The following ADAMTS6 variants were observed in gnomAD, a reference collection of about 807,000 sequenced individuals.
The protein encoded by ADAMTS6 is ADAM metallopeptidase with thrombospondin type 1 motif 6, also known as A disintegrin and metalloproteinase with thrombospondin motifs 6.
Under a neutral mutation model 144.3 loss-of-function variants are expected in ADAMTS6, and 23 were observed. That is an observed-to-expected ratio of 0.16 (90% CI 0.11 to 0.23). The LOEUF is 0.23. Among genes scored for constraint, ADAMTS6 ranks in the 10% least tolerant of loss-of-function variants. ADAMTS6 has a pLI of 1.00. For missense variants in ADAMTS6, 999 were observed against 1,379.6 expected (o/e 0.72, Z 4.37); for synonymous variants, 444 against 457.5 (o/e 0.97, Z 0.38).
chr5:65,186,649 G>A (rs374140115), intron 22 of ADAMTS6, among the ~76,000 whole-genome samples: 2 of 152,150 alleles, frequency 1.3e-5, no homozygotes, highest in African/African-American at 4.8e-5. Flanking sequence ...AATCAATTAG[G>A]AGTTAATGTA....
At chr5:65,178,014 G>T (rs981394023) in intron 22 of ADAMTS6, among the ~76,000 whole-genome samples, 1 of 152,172 alleles carries the variant, frequency 6.6e-6, no homozygotes, top group African/African-American at 2.4e-5. Context: ...TTCACTTCGT[G>T]TCTCTCACGA....
In ADAMTS6 at chr5:65,398,773, A is replaced by C. The variant is rs1561501127; in HGVS notation, c.1073+52702T>G. On this transcript the variant is annotated intron_variant, in intron 7 of 24. Transcript: ENST00000381055. ...AGAGAGAAAGAGAGAGAGAGAAAGA[A>C]GAGAGAGCAAGAAAGAAAGAAAGAA... Among the ~76,000 whole-genome samples, 16 of 131,548 alleles carry C rather than the reference A, an allele frequency of 1.2e-4. 1 individual carries two copies. The highest frequency in any genetic ancestry group is 3.8e-4 in the African/African-American group (13 of 34,450). The allele number at this position is 131,548 out of a possible 152,430, so 86.3% of individuals were successfully genotyped here.
At chr5:65,403,909 A>G (rs916142380) in intron 7 of ADAMTS6, among the ~76,000 whole-genome samples, 1 of 152,096 alleles carries the variant, frequency 6.6e-6, no homozygotes, top group South Asian at 2.1e-4. Context: ...TTGTATGTTC[A>G]CTCCTATATT....
intron 7 of ADAMTS6, among the ~76,000 whole-genome samples, chr5:65,394,871 T>C (rs1580590281): frequency 6.6e-6 from 1 of 152,156 alleles, no homozygotes; most frequent in Non-Finnish European, 1.5e-5. Flanking sequence ...ATATTATATA[T>C]AGTAAGTTTA....
chr5:65,157,887 A>C (rs974678329), intron 24 of ADAMTS6, among the ~76,000 whole-genome samples: 1 of 152,204 alleles, frequency 6.6e-6, no homozygotes, highest in Non-Finnish European at 1.5e-5. Flanking sequence ...AGAACAGTAC[A>C]CCAGCTTATT....
chr5:65,209,291 G>A (rs1756329922), intron 20 of ADAMTS6, among the ~76,000 whole-genome samples: 1 of 152,150 alleles, frequency 6.6e-6, no homozygotes, highest in Non-Finnish European at 1.5e-5. Flanking sequence ...ATAAATTCGG[G>A]AGTCAGTAAA....
chr5:65,473,466 C>A, intron 2 of ADAMTS6, 111 bp downstream of exon 2: 1 of 871,630 alleles, frequency 1.1e-6, no homozygotes, highest in Non-Finnish European at 1.9e-6. Flanking sequence ...GCCTCTATTC[C>A]TATCACTACA....
chr5:65,432,497 C>T (rs1757070471), intron 7 of ADAMTS6, among the ~76,000 whole-genome samples: 1 of 152,042 alleles, frequency 6.6e-6, no homozygotes, highest in African/African-American at 2.4e-5. Context: ...CCATTTTTCA[C>T]TGCTTTGCAT....
intron 14 of ADAMTS6, among the ~76,000 whole-genome samples, chr5:65,242,843 A>G (rs1479867261): frequency 6.6e-6 from 1 of 152,150 alleles, no homozygotes; most frequent in Non-Finnish European, 1.5e-5. Flanking sequence ...GGCCCAAAAC[A>G]TGTACATTTG....
At chr5:65,436,815 G>A (rs1399884292) in intron 7 of ADAMTS6, among the ~76,000 whole-genome samples, 1 of 151,090 alleles carries the variant, frequency 6.6e-6, no homozygotes, top group African/African-American at 2.4e-5. Context: ...CCAACACAGT[G>A]CCACTGCACT....
At chr5:65,480,288 T>C (rs1239742228) in intron 1 of ADAMTS6, among the ~76,000 whole-genome samples, 4 of 152,106 alleles carry the variant, frequency 2.6e-5, no homozygotes, top group Non-Finnish European at 2.9e-5. Context: ...TTTCCCTTTT[T>C]CTCTCTGCTC....
At chr5:65,404,594 C>T (rs1005550214) in intron 7 of ADAMTS6, among the ~76,000 whole-genome samples, 15 of 152,208 alleles carry the variant, frequency 9.9e-5, no homozygotes, top group African/African-American at 3.4e-4. Flanking sequence ...TGAATAATGC[C>T]ACAATAAACA....
intron 7 of ADAMTS6, among the ~76,000 whole-genome samples, chr5:65,376,131 G>A (rs1360966736): frequency 1.3e-5 from 2 of 152,024 alleles, no homozygotes; most frequent in East Asian, 3.9e-4. Flanking sequence ...GCAGGGGGGA[G>A]GGATAGCATT....
At chr5:65,359,297 A>G (rs1464731359) in intron 7 of ADAMTS6, among the ~76,000 whole-genome samples, 1 of 152,170 alleles carries the variant, frequency 6.6e-6, no homozygotes, top group African/African-American at 2.4e-5. Context: ...GCCAACAAAC[A>G]TAGGAAGGAA....
chr5:65,330,665 CTAATA>C (rs1484201058), intron 8 of ADAMTS6, among the ~76,000 whole-genome samples: 2 of 152,188 alleles, frequency 1.3e-5, no homozygotes, highest in Admixed American at 1.3e-4. Context: ...TCTGTATTTT[CTAATA>C]TGAGTATCAA....
At chr5:65,279,135 G>C (rs1374408149) in intron 11 of ADAMTS6, among the ~76,000 whole-genome samples, 1 of 151,980 alleles carries the variant, frequency 6.6e-6, no homozygotes, top group African/African-American at 2.4e-5. Context: ...GGTAGACACA[G>C]AGTTTCACCA....
At chr5:65,300,634 CTTTCTTTTTT>C (rs1204355585) in intron 9 of ADAMTS6, among the ~76,000 whole-genome samples, 1 of 150,836 alleles carries the variant, frequency 6.6e-6, no homozygotes, top group African/African-American at 2.5e-5. Context: ...TTTTCTTTTT[CTTTCTTTTTT>C]TTTTTGAGAC....
chr5:65,168,195 A>G (rs1364484203), intron 24 of ADAMTS6, among the ~76,000 whole-genome samples: 1 of 145,762 alleles, frequency 6.9e-6, no homozygotes, highest in Non-Finnish European at 1.5e-5. Context: ...GTCTCAGGAT[A>G]CAAAATCAAT....
intron 3 of ADAMTS6, among the ~76,000 whole-genome samples, chr5:65,468,816 A>G (rs1016253461): frequency 6.9e-4 from 105 of 152,340 alleles, no homozygotes; most frequent in African/African-American, 2.4e-3. Flanking sequence ...TCATAAAGTC[A>G]CCTACATTAA....
Sources: allele counts gnomAD v4.1 joint callset (sites outside exome capture counted in the v4.1 genomes callset), GRCh38; gene constraint gnomAD v4.1.1; transcripts MANE v1.5; gene names NCBI Gene and HGNC (gene_info 2026-07-23, HGNC 2026-07-21).